ESR2: variants seen among roughly 807,000 people sequenced by gnomAD.
The protein encoded by ESR2 is estrogen receptor beta.
ESR2 carries 36 observed loss-of-function variants against 49.6 expected under a neutral mutation model. The ratio of observed to expected loss-of-function variants is 0.73; its 90% CI spans 0.56 to 0.96. The LOEUF (loss-of-function observed/expected upper bound fraction) is 0.96. Among genes scored for constraint, ESR2 ranks in the 40% least tolerant of loss-of-function variants. ESR2 has a pLI of 0.00. For missense variants in ESR2, 714 were observed against 693.0 expected (o/e 1.03, Z -0.34); for synonymous variants, 320 against 266.1 (o/e 1.20, Z -1.97).
At chr14:64,265,078 G>C (rs1437904437) in intron 4 of ESR2, among the ~76,000 whole-genome samples, 1 of 152,126 alleles carries the variant, frequency 6.6e-6, no homozygotes, top group Non-Finnish European at 1.5e-5. Flanking sequence ...AGGTCCTGTA[G>C]TGAATTCTGG....
rs143019495 is a variant in ESR2 at position 64,333,803 on chromosome 14, A to C, written c.-91+4095T>G. ...GTGGGAATTATGGGAGCTACAATTC[A>C]AGATGAGATTTGGGTGGGGACACAG... On this transcript the variant is annotated intron_variant, in intron 1 of 8. Transcript: ENST00000358599. Among the ~76,000 whole-genome samples, 976 of 152,336 alleles carry C rather than the reference A, an allele frequency of 6.4e-3. 15 individuals carry two copies. Among genetic ancestry groups the C allele is most frequent in the African/African-American group, 0.023 (941 of 41,572 alleles).
At chr14:64,244,263 G>A (rs944239112) in intron 7 of ESR2, among the ~76,000 whole-genome samples, 1 of 152,136 alleles carries the variant, frequency 6.6e-6, no homozygotes, top group East Asian at 1.9e-4. Flanking sequence ...AGCCAGGCGT[G>A]GTGGCAGATG....
intron 1 of ESR2, among the ~76,000 whole-genome samples, chr14:64,321,925 G>T (rs926903911): frequency 6.6e-6 from 1 of 152,012 alleles, no homozygotes; most frequent in African/African-American, 2.4e-5. Flanking sequence ...GGAGAGAGGG[G>T]ACATGGGATG....
At position 64,229,248 on chromosome 14, in the gene ESR2, C is replaced by G. The variant is rs985877696; in HGVS notation, c.*3889G>C. Among the ~76,000 whole-genome samples the G allele has an allele frequency of 6.6e-6, 1 of 152,126 alleles. No homozygotes were observed. Among genetic ancestry groups the G allele is most frequent in the Non-Finnish European group, 1.5e-5 (1 of 68,016 alleles). ...GCAGAAGACAACCCTAACTTCACCGCCCCTCCATTCTGCTGCGACTCAGCT... is the reference window on the plus strand; with the variant it reads ...GCAGAAGACAACCCTAACTTCACCGGCCCTCCATTCTGCTGCGACTCAGCT... On this transcript the variant is annotated 3_prime_UTR_variant, in exon 9 of 9. Transcript: ENST00000341099.
In ESR2 at chr14:64,260,680, AGTGCAG is replaced by A; in HGVS notation, c.715_720del (p.Leu239_His240del). On this transcript the variant is annotated inframe_deletion, in exon 5 of 9. Transcript: ENST00000341099. ...CCACTTCTCTTGGCCTTGCCGGCAC[AGTGCAG>A]CTGCTCGTCGGCACTTCTCTGTCTC... 1 of 1,560,054 alleles carries A rather than the reference AGTGCAG, an allele frequency of 6.4e-7. No individual in the cohort carries two copies. The highest frequency in any genetic ancestry group is 8.7e-7 in the Non-Finnish European group (1 of 1,149,254).
chr14:64,229,425 A>C lies in ESR2; in HGVS notation c.*3712T>G, dbSNP rs2098725228. Among the ~76,000 whole-genome samples, 1 of 152,146 alleles carries C rather than the reference A, an allele frequency of 6.6e-6. No homozygotes were observed. The highest frequency in any genetic ancestry group is 1.5e-5 in the Non-Finnish European group (1 of 68,040). On this transcript the variant is annotated 3_prime_UTR_variant, in exon 9 of 9. Coordinates refer to ENST00000341099, the MANE Select transcript of ESR2 (RefSeq NM_001437.3). Reference sequence around the variant, plus strand: ...TTTGCCCCCGTGGGCTTTAATTTACACAGATATGAAAGGTGGAGTTGAACT... The same window carrying C: ...TTTGCCCCCGTGGGCTTTAATTTACCCAGATATGAAAGGTGGAGTTGAACT...
intron 3 of ESR2, among the ~76,000 whole-genome samples, chr14:64,277,573 C>T (rs2076579798): frequency 7.1e-6 from 1 of 141,142 alleles, no homozygotes; most frequent in African/African-American, 2.7e-5. Context: ...TGCAGTGAGC[C>T]GAGATTGTGC....
chr14:64,251,423 ACACACACT>A lies in ESR2; in HGVS notation c.1092-1752_1092-1745del, dbSNP rs1302871741. Reference sequence around the variant, plus strand: ...ACATGCACAATACATACACACACACACACACACTCACACACACCCCTCCCCAAGTGGTA... The same window carrying A: ...ACATGCACAATACATACACACACACACACACACACCCCTCCCCAAGTGGTA... On this transcript the variant is annotated intron_variant, in intron 6 of 8. Transcript: ENST00000341099. 5.8e-5 allele frequency among the ~76,000 whole-genome samples: 8 copies of A among 139,100 alleles called. No individual in the cohort carries two copies. In the East Asian group the frequency reaches 3.2e-3, roughly 56 times the overall value. 91.3% of individuals were successfully genotyped at this position (139,100 alleles called of 152,430 possible).
chr14:64,246,236 C>G (rs905343548), intron 7 of ESR2, among the ~76,000 whole-genome samples: 3 of 152,092 alleles, frequency 2.0e-5, no homozygotes, highest in African/African-American at 7.2e-5. Flanking sequence ...CTCCATAATC[C>G]CCATGTGTCA....
intron 1 of ESR2, among the ~76,000 whole-genome samples, chr14:64,305,592 A>G (rs1596477746): frequency 6.6e-6 from 1 of 151,340 alleles, no homozygotes; most frequent in Non-Finnish European, 1.5e-5. Context: ...AATGGTGTGA[A>G]CCAGGGCAGC....
At chr14:64,291,936 TAAAAG>T (rs2076877208) in intron 1 of ESR2, among the ~76,000 whole-genome samples, 4 of 152,194 alleles carry the variant, frequency 2.6e-5, no homozygotes. Flanking sequence ...TCAAAGATTA[TAAAAG>T]AATGATGCAT....
At chr14:64,240,033 C>G (rs1036550158) in intron 7 of ESR2, among the ~76,000 whole-genome samples, 6 of 152,224 alleles carry the variant, frequency 3.9e-5, no homozygotes, top group Non-Finnish European at 1.5e-5. Context: ...AGAAACTGAG[C>G]TGAAATTTAG....
chr14:64,247,435 C>T lies in ESR2; in HGVS notation c.1225+2111G>A, dbSNP rs560916096. Among the ~76,000 whole-genome samples the T allele has an allele frequency of 1.4e-3, 210 of 152,322 alleles. 1 individual carries two copies. The highest frequency in any genetic ancestry group is 4.5e-3 in the African/African-American group (186 of 41,588). The stretch of plus-strand genomic sequence containing the variant: ...CCCCAGATCAAGAGGCAGCTGGAAA[C>T]ATGTGACCACAGTGAATTCTGCATT... On this transcript the variant is annotated intron_variant, in intron 7 of 8. Transcript: ENST00000341099.
intron 5 of ESR2, among the ~76,000 whole-genome samples, chr14:64,257,956 C>T (rs2076137562): frequency 6.6e-6 from 1 of 152,172 alleles, no homozygotes; most frequent in African/African-American, 2.4e-5. Context: ...GCCAAGCACA[C>T]CTGTAATCCC....
chr14:64,266,153 T>C (rs2076323661), intron 4 of ESR2, among the ~76,000 whole-genome samples: 2 of 152,270 alleles, frequency 1.3e-5, no homozygotes, highest in South Asian at 4.1e-4. Flanking sequence ...CTTCTTTAAC[T>C]ATCCCTCTGT....
intron 1 of ESR2, among the ~76,000 whole-genome samples, chr14:64,326,662 T>C (rs938371663): frequency 6.6e-6 from 1 of 152,168 alleles, no homozygotes; most frequent in African/African-American, 2.4e-5. Context: ...ATACCCTACT[T>C]CAACCACCTA....
rs1415733332 is a variant in ESR2 at position 64,228,588 on chromosome 14, A to ACAT, written c.*4546_*4548dup. On this transcript the variant is annotated 3_prime_UTR_variant, in exon 9 of 9. Transcript: ENST00000341099. Reference sequence around the variant, plus strand: ...AGCCAACCAACAGGCTCTGAAGTACACATTGAATGACAAAAGGTATAGGAC... The same window carrying ACAT: ...AGCCAACCAACAGGCTCTGAAGTACACATCATTGAATGACAAAAGGTATAGGAC... Among the ~76,000 whole-genome samples the ACAT allele has an allele frequency of 2.0e-5, 3 of 152,364 alleles. No individual in the cohort carries two copies. The East Asian group carries it at 5.8e-4, about 29-fold the overall frequency.
intron 1 of ESR2, among the ~76,000 whole-genome samples, chr14:64,326,223 G>C (rs1389400260): frequency 6.6e-6 from 1 of 152,034 alleles, no homozygotes; most frequent in Non-Finnish European, 1.5e-5. Context: ...ACCCCCAACA[G>C]ACTTCTATAA....
chr14:64,260,342 A>T, intron 5 of ESR2, 107 bp downstream of exon 5: 1 of 1,118,016 alleles, frequency 8.9e-7, no homozygotes, highest in Non-Finnish European at 1.4e-6. Flanking sequence ...GACCTGTTAA[A>T]TATCTAGGCA....
Sources: gnomAD v4.1 joint callset for allele counts (sites outside exome capture counted in the v4.1 genomes callset) on GRCh38, gnomAD v4.1.1 for gene constraint, MANE v1.5 for transcripts, NCBI Gene and HGNC (gene_info 2026-07-23, HGNC 2026-07-21) for gene names.